Variants in FRG1 observed in about 807,000 individuals in gnomAD.
The protein encoded by FRG1 is FSHD region gene 1.
FRG1 carries 19 observed loss-of-function variants against 37.0 expected under a neutral mutation model. The ratio of observed to expected loss-of-function variants is 0.51; its 90% CI spans 0.36 to 0.75. The LOEUF is 0.75. FRG1 is among the 30% of genes least tolerant of loss of function. The pLI is 0.00. For missense variants in FRG1, 243 were observed against 301.4 expected, an observed-to-expected ratio of 0.81 and a Z score of 1.44; for synonymous variants, 73 against 96.5, an observed-to-expected ratio of 0.76 and a Z score of 1.43.
intron 2 of FRG1, among the ~76,000 whole-genome samples, chr4:189,947,660 T>A (rs1736587213): frequency 6.6e-6 from 1 of 152,248 alleles, no homozygotes; most frequent in African/African-American, 2.4e-5. Flanking sequence ...TGCCAGCCAC[T>A]CTGCAGAGGC....
Position 189,957,622 on chromosome 4 carries a change from TGTG to T in FRG1, c.537+124_537+126del, listed in dbSNP as rs1383538367. The T allele has an allele frequency of 5.7e-6, 5 of 877,878 alleles. No homozygotes were observed. In the East Asian group the frequency reaches 8.1e-5, roughly 14 times the overall value. The allele number at this position is 877,878 out of a possible 1,614,324, so 54.4% of individuals were successfully genotyped here. On this transcript the variant is annotated intron_variant, in intron 6 of 8. Transcript: ENST00000226798. ...AGATTTACTTAATAGCTTTTTATAA[TGTG>T]GTGTTTCAAATAGACTCATTTTTAA...
Position 189,952,188 on chromosome 4 carries a change from G to A in FRG1, c.160G>A (p.Gly54Ser). 6.3e-7 allele frequency: 1 copy of A among 1,596,618 alleles called. No homozygotes were observed. Among genetic ancestry groups the A allele is most frequent in the South Asian group, 1.1e-5 (1 of 88,038 alleles). Residue 54 changes from glycine (G) to serine (S), a missense_variant, in exon 3 of 9, where the codon GGT becomes AGT. Coordinates refer to ENST00000226798, the MANE Select transcript of FRG1 (RefSeq NM_004477.3). ...VGIWWTVTNF[G>S]EISGTIAIEM... Reference sequence around the variant, plus strand: ...AATCTGGTGGACAGTAACAAACTTTGGTGAAATTTCAGGAACCATAGCCAT... The same window carrying A: ...AATCTGGTGGACAGTAACAAACTTTAGTGAAATTTCAGGAACCATAGCCAT...
intron 2 of FRG1, among the ~76,000 whole-genome samples, chr4:189,945,714 TC>T (rs1172032056): frequency 1.3e-5 from 2 of 152,292 alleles, no homozygotes; most frequent in East Asian, 3.9e-4. Context: ...GACTTTTGTA[TC>T]CTTTTCTTGT....
intron 1 of FRG1, among the ~76,000 whole-genome samples, chr4:189,942,736 C>A (rs6843903): frequency 6.6e-6 from 1 of 152,090 alleles, no homozygotes; most frequent in Non-Finnish European, 1.5e-5. Context: ...AGTAAAATTG[C>A]TGGGTCATGT....
At chr4:189,957,881 G>T (rs114637005) in intron 6 of FRG1, among the ~76,000 whole-genome samples, 25 of 152,044 alleles carry the variant, frequency 1.6e-4, no homozygotes, top group African/African-American at 5.8e-4. Flanking sequence ...ATGTGAAGAC[G>T]TATGCCTGCC....
chr4:189,962,423 A>G (rs1737275206), intron 8 of FRG1, among the ~76,000 whole-genome samples: 1 of 152,208 alleles, frequency 6.6e-6, no homozygotes, highest in Non-Finnish European at 1.5e-5. Flanking sequence ...TAGGTAGATA[A>G]GTAATGTCCT....
Position 189,954,047 on chromosome 4 carries a change from A to G in FRG1, c.317+922A>G, listed in dbSNP as rs546765890. ...AAAAACTGCGAACAATCAGATCTCA[A>G]TAGAAAAATGGACAAGGGACATTAC... On this transcript the variant is annotated intron_variant, in intron 4 of 8. Transcript: ENST00000226798. 2.2e-3 allele frequency among the ~76,000 whole-genome samples: 328 copies of G among 152,290 alleles called. 1 individual carries two copies. Among genetic ancestry groups the G allele is most frequent in the Non-Finnish European group, 2.5e-3 (173 of 67,974 alleles).
rs375215098 is a variant in FRG1 at position 189,943,487 on chromosome 4, G to A, written c.133+215G>A. Among the ~76,000 whole-genome samples the A allele has an allele frequency of 1.3e-4, 20 of 152,252 alleles. No homozygotes were observed. In the East Asian group the frequency reaches 3.1e-3, roughly 23 times the overall value. On this transcript the variant is annotated intron_variant, in intron 2 of 8. Transcript: ENST00000226798. Reference sequence around the variant, plus strand: ...CAGGAGAGAAAAATTATAACTCTCTGACTTAGTAGGCACCATTAGACTGCT... The same window carrying A: ...CAGGAGAGAAAAATTATAACTCTCTAACTTAGTAGGCACCATTAGACTGCT...
intron 2 of FRG1, among the ~76,000 whole-genome samples, chr4:189,945,068 C>T (rs953018934): frequency 4.6e-5 from 7 of 152,058 alleles, no homozygotes; most frequent in Admixed American, 1.3e-4. Flanking sequence ...ATTTGATTTT[C>T]CAGTTGTTTG....
intron 8 of FRG1, among the ~76,000 whole-genome samples, chr4:189,962,260 G>C (rs1214443068): frequency 6.6e-6 from 1 of 152,152 alleles, no homozygotes; most frequent in African/African-American, 2.4e-5. Context: ...TGTGGATTCT[G>C]TTAGAGTAGT....
At chr4:189,948,592 A>G (rs947896069) in intron 2 of FRG1, among the ~76,000 whole-genome samples, 1 of 152,200 alleles carries the variant, frequency 6.6e-6, no homozygotes, top group Non-Finnish European at 1.5e-5. Flanking sequence ...GCACTGGGTT[A>G]GTCAGAAGGT....
intron 2 of FRG1, among the ~76,000 whole-genome samples, chr4:189,947,915 C>A (rs9992042): frequency 6.6e-6 from 1 of 152,084 alleles, no homozygotes; most frequent in Non-Finnish European, 1.5e-5. Flanking sequence ...GCAGAAAACA[C>A]AAGTGTGTAT....
At chr4:189,956,356 A>G (rs905068567) in intron 5 of FRG1, among the ~76,000 whole-genome samples, 6 of 152,236 alleles carry the variant, frequency 3.9e-5, no homozygotes, top group African/African-American at 1.4e-4. Flanking sequence ...GAAAAGGCCA[A>G]TATATCATAA....
At chr4:189,950,116 AT>A (rs1430873989) in intron 2 of FRG1, among the ~76,000 whole-genome samples, 5 of 152,148 alleles carry the variant, frequency 3.3e-5, no homozygotes, top group Middle Eastern at 3.4e-3. Flanking sequence ...GTTTTGATTT[AT>A]ATTTCCCTAG....
At chr4:189,944,003 A>G (rs1285111816) in intron 2 of FRG1, among the ~76,000 whole-genome samples, 1 of 152,208 alleles carries the variant, frequency 6.6e-6, no homozygotes, top group Admixed American at 6.5e-5. Flanking sequence ...GGATAGGTGA[A>G]TGTTTAACTA....
At chr4:189,942,807 A>G (rs1407909803) in intron 1 of FRG1, among the ~76,000 whole-genome samples, 2 of 152,194 alleles carry the variant, frequency 1.3e-5, no homozygotes, top group Admixed American at 1.3e-4. Context: ...ACCATTTTAC[A>G]TTTCCACCAG....
At chr4:189,944,280 C>T (rs1205890830) in intron 2 of FRG1, among the ~76,000 whole-genome samples, 2 of 152,148 alleles carry the variant, frequency 1.3e-5, no homozygotes, top group East Asian at 1.9e-4. Context: ...GGGTTCATGC[C>T]ATTCTGCTGC....
At chr4:189,942,667 C>T (rs1736365944) in intron 1 of FRG1, among the ~76,000 whole-genome samples, 2 of 152,024 alleles carry the variant, frequency 1.3e-5, no homozygotes, top group African/African-American at 2.4e-5. Flanking sequence ...TGTGAATATT[C>T]TTATGTAAGT....
At chr4:189,955,589 TAA>T (rs1420097756) in intron 5 of FRG1, among the ~76,000 whole-genome samples, 4 of 152,186 alleles carry the variant, frequency 2.6e-5, no homozygotes, top group Non-Finnish European at 5.9e-5. Context: ...AAATTATCTC[TAA>T]AAGACTTTCA....
Sources: gnomAD v4.1 joint callset for allele counts (sites outside exome capture counted in the v4.1 genomes callset) on GRCh38, gnomAD v4.1.1 for gene constraint, MANE v1.5 for transcripts, NCBI Gene and HGNC (gene_info 2026-07-23, HGNC 2026-07-21) for gene names.